The following DAB2IP variants were observed in gnomAD, a reference collection of about 807,000 sequenced individuals.
DAB2IP encodes DAB2 interacting protein, also known as disabled homolog 2-interacting protein.
DAB2IP carries 28 observed loss-of-function variants against 107.2 expected under a neutral mutation model. That is an observed-to-expected ratio of 0.26 (90% confidence interval 0.19 to 0.36). The LOEUF (loss-of-function observed/expected upper bound fraction) is 0.36, where lower values mean the gene tolerates loss of function less well. DAB2IP is among the 10% of genes least tolerant of loss of function. DAB2IP has a pLI of 1.00. For missense variants in DAB2IP, 1,400 were observed against 1,644.7 expected, an observed-to-expected ratio of 0.85 and a Z score of 2.57; for synonymous variants, 755 against 706.4, an observed-to-expected ratio of 1.07 and a Z score of -1.09.
intron 3 of DAB2IP, among the ~76,000 whole-genome samples, chr9:121,728,370 C>A (rs1021412607): frequency 1.3e-5 from 2 of 152,204 alleles, no homozygotes; most frequent in African/African-American, 4.8e-5. Flanking sequence ...ATAGTGAGAA[C>A]AGCAGACCCC....
At chr9:121,669,993 C>G (rs1455986883) in intron 1 of DAB2IP, among the ~76,000 whole-genome samples, 3 of 152,150 alleles carry the variant, frequency 2.0e-5, no homozygotes, top group Admixed American at 6.5e-5. Context: ...GAGTAACCAC[C>G]ACTGCAATCA....
At chr9:121,757,071 A>C (rs985721356) in exon 4 of DAB2IP, 5 of 1,614,204 alleles carry the variant, frequency 3.1e-6, no homozygotes, top group Non-Finnish European at 4.2e-6. Context: ...GCTCAGCCCC[A>C]GCAGTGCGGT....
chr9:121,732,252 C>T (rs575080270), intron 3 of DAB2IP, among the ~76,000 whole-genome samples: 2 of 152,210 alleles, frequency 1.3e-5, no homozygotes, highest in South Asian at 4.1e-4. Context: ...ACTGCTTGTT[C>T]GAGTAAATTT....
chr9:121,641,892 C>CCTTTCCTT (rs1832304211), intron 1 of DAB2IP, among the ~76,000 whole-genome samples: 1 of 89,334 alleles, frequency 1.1e-5, no homozygotes, highest in Admixed American at 1.2e-4. Context: ...CATTTCTTTC[C>CCTTTCCTT]CTTTCTTTCT....
chr9:121,581,888 C>T (rs1355723182), intron 1 of DAB2IP, among the ~76,000 whole-genome samples: 2 of 152,214 alleles, frequency 1.3e-5, no homozygotes, highest in Non-Finnish European at 2.9e-5. Context: ...CCCAGCCCCT[C>T]AATGCCAACT....
chr9:121,746,323 A>T (rs1832721292), intron 3 of DAB2IP, among the ~76,000 whole-genome samples: 1 of 152,198 alleles, frequency 6.6e-6, no homozygotes, highest in Non-Finnish European at 1.5e-5. Context: ...CTACAGCCAA[A>T]GGTGGTGGTG....
chr9:121,743,423 T>C (rs1349840166), intron 3 of DAB2IP, among the ~76,000 whole-genome samples: 1 of 152,134 alleles, frequency 6.6e-6, no homozygotes, highest in Admixed American at 6.5e-5. Flanking sequence ...TTTTGGAGTT[T>C]CGTTTTTTGT....
chr9:121,592,340 TA>T (rs1284917514), intron 1 of DAB2IP, among the ~76,000 whole-genome samples: 4 of 151,064 alleles, frequency 2.6e-5, no homozygotes, highest in Non-Finnish European at 4.4e-5. Flanking sequence ...CACTCCAGCC[TA>T]GGTGACAGAG....
intron 3 of DAB2IP, among the ~76,000 whole-genome samples, chr9:121,704,445 A>T (rs1829955384): frequency 6.6e-6 from 1 of 152,140 alleles, no homozygotes; most frequent in South Asian, 2.1e-4. Context: ...CCTGAGTTTC[A>T]TGGCCAGTGG....
chr9:121,783,596 G>C (rs1835809576), exon 16 of DAB2IP: 1 of 1,607,930 alleles, frequency 6.2e-7, no homozygotes. Flanking sequence ...CTTTTAAGTT[G>C]AGCGTGCGCA....
intron 2 of DAB2IP, among the ~76,000 whole-genome samples, chr9:121,691,054 T>A (rs1371447311): frequency 6.6e-6 from 1 of 152,244 alleles, no homozygotes; most frequent in Non-Finnish European, 1.5e-5. Flanking sequence ...CTCCAGCAAG[T>A]CTGCCCAGAT....
chr9:121,617,359 C>A (rs554171811), intron 1 of DAB2IP, among the ~76,000 whole-genome samples: 9 of 152,198 alleles, frequency 5.9e-5, no homozygotes, highest in African/African-American at 1.7e-4. Flanking sequence ...AGGGGAGTAG[C>A]GAGTAAATTT....
At chr9:121,749,125 T>TTCCTC (rs1832923671) in intron 3 of DAB2IP, among the ~76,000 whole-genome samples, 1 of 152,172 alleles carries the variant, frequency 6.6e-6, no homozygotes, top group Admixed American at 6.5e-5. Context: ...GGCGGCTGCA[T>TTCCTC]TCCTCTCCTC....
At chr9:121,706,409 C>T (rs963688109) in intron 3 of DAB2IP, among the ~76,000 whole-genome samples, 8 of 152,156 alleles carry the variant, frequency 5.3e-5, no homozygotes, top group Non-Finnish European at 7.4e-5. Flanking sequence ...GGCAGCTTCT[C>T]ACAGCCAACT....
Position 121,782,760 on chromosome 9 carries a change from G to T in DAB2IP, c.*262G>T. On this transcript the variant is annotated 3_prime_UTR_variant, in exon 16 of 16. Coordinates refer to ENST00000408936, the Ensembl canonical transcript of DAB2IP. The surrounding 1 kb of genome is among the most constrained non-coding windows in gnomAD (Gnocchi z 6.1). ...GCTGGGGAGTGGGGACAGCCTGATG[G>T]GGCAGGGGGCCTGCCAAAAATATGT... 1 of 1,333,996 alleles carries T rather than the reference G, an allele frequency of 7.5e-7. No homozygotes were observed. Among genetic ancestry groups the T allele is most frequent in the Non-Finnish European group, 9.6e-7 (1 of 1,041,316 alleles). 82.6% of individuals were successfully genotyped at this position (1,333,996 alleles called of 1,614,324 possible).
At chr9:121,771,130 G>A (rs1834693668) in intron 11 of DAB2IP, among the ~76,000 whole-genome samples, 1 of 152,156 alleles carries the variant, frequency 6.6e-6, no homozygotes, top group South Asian at 2.1e-4. Context: ...CTCCAGAAGT[G>A]TTTAGTTGGG....
chr9:121,778,600 T>G lies in DAB2IP; in HGVS notation c.3314+2209T>G, dbSNP rs1291854838. Among the ~76,000 whole-genome samples, 3 of 152,258 alleles carry G rather than the reference T, an allele frequency of 2.0e-5. No homozygotes were observed. In the East Asian group the frequency reaches 5.8e-4, roughly 29 times the overall value. On this transcript the variant is annotated intron_variant, in intron 14 of 15. Coordinates refer to ENST00000408936, the Ensembl canonical transcript of DAB2IP. ...TCCATTTTCTCTCCTATTGACTTAT[T>G]AGCTTTATCTCTTTGTTGCTCTAGG...
At position 121,721,955 on chromosome 9, in the gene DAB2IP, C is replaced by T. The variant is rs74596570; in HGVS notation, c.362+22497C>T. 8.1e-3 allele frequency among the ~76,000 whole-genome samples: 1,228 copies of T among 152,302 alleles called. 19 individuals carry two copies. Among genetic ancestry groups the T allele is most frequent in the African/African-American group, 0.028 (1,182 of 41,560 alleles). On this transcript the variant is annotated intron_variant, in intron 3 of 15. Coordinates refer to ENST00000408936, the Ensembl canonical transcript of DAB2IP. ...TCATGGAATCCTTGCATGCCCTGGA[C>T]GTGCAGATGTGCTGCAGGCCTGACC...
At chr9:121,614,738 T>TTTC (rs1491584700) in intron 1 of DAB2IP, among the ~76,000 whole-genome samples, 349 of 3,722 alleles carry the variant, frequency 0.094, 1 homozygote, top group East Asian at 0.17. Flanking sequence ...TCTTTCTTTC[T>TTTC]TTTTTTTTTT....
Sources: allele counts gnomAD v4.1 joint callset (sites outside exome capture counted in the v4.1 genomes callset), GRCh38; gene constraint gnomAD v4.1.1; non-coding constraint Gnocchi (gnomAD v3.1); transcripts MANE v1.5; gene names NCBI Gene and HGNC (gene_info 2026-07-23, HGNC 2026-07-21).